The following RINT1 variants were observed in gnomAD, a reference collection of about 807,000 sequenced individuals.
The protein encoded by RINT1 is RAD50 interactor 1, also known as RAD50-interacting protein 1.
A neutral mutation model predicts 97.7 loss-of-function variants in RINT1; 75 were observed. The ratio of observed to expected loss-of-function variants is 0.77; its 90% CI spans 0.64 to 0.93. RINT1 has a LOEUF of 0.93. RINT1 is among the 40% of genes least tolerant of loss of function. The probability of loss-of-function intolerance (pLI) is 0.00; values close to 1 mark genes in which losing one functional copy is unlikely to be tolerated. For missense variants in RINT1, 892 were observed against 925.2 expected (o/e 0.96, Z 0.47); for synonymous variants, 303 against 326.3 (o/e 0.93, Z 0.77).
chr7:105,545,531 T>TA (rs1491113569), intron 4 of RINT1, among the ~76,000 whole-genome samples: 4,248 of 107,304 alleles, frequency 0.04, 83 homozygotes, highest in African/African-American at 0.078. Context: ...TATATATATA[T>TA]TTTTTTTTTT....
chr7:105,563,808 C>G lies in RINT1; in HGVS notation c.1747C>G (p.Gln583Glu), dbSNP rs767288898. The G allele has an allele frequency of 1.2e-6, 2 of 1,613,930 alleles. No homozygotes were observed. Among genetic ancestry groups the G allele is most frequent in the Non-Finnish European group, 1.7e-6 (2 of 1,179,808 alleles). Residue 583 changes from glutamine (Q) to glutamate (E), a missense_variant, in exon 12 of 15, where the codon CAG (glutamine) becomes GAG (glutamate). Transcript: ENST00000257700. ...TACTCTGAGTAAATTGCAGCTAGGA[C>G]AGCTAGCCTCTATGGAGAGCTCTGT... ...NNTLSKLQLG[Q>E]LASMESSVFD...
chr7:105,540,612 G>A (rs1041007219), intron 3 of RINT1, among the ~76,000 whole-genome samples: 1 of 152,042 alleles, frequency 6.6e-6, no homozygotes, highest in Admixed American at 6.6e-5. Flanking sequence ...TGGCTAGGCT[G>A]GTCTCGAACT....
rs1416181150 is a variant in RINT1 at position 105,565,603 on chromosome 7, CTT to C, written c.2143_2144del (p.Leu715ValfsTer13). The C allele has an allele frequency of 6.2e-7, 1 of 1,613,660 alleles. No individual in the cohort carries two copies. The highest frequency in any genetic ancestry group is 1.3e-5 in the African/African-American group (1 of 74,936). ...TTTGATATGACTCGGAATCTTTTCC[CTT>C]TGTTTTCTCACTATTGCAAGAGACC... On this transcript the variant is annotated frameshift_variant, in exon 14 of 15. Transcript: ENST00000257700. LOFTEE classifies it high-confidence loss of function.
intron 11 of RINT1, among the ~76,000 whole-genome samples, chr7:105,559,708 A>G (rs1385184149): frequency 1.3e-5 from 2 of 152,208 alleles, no homozygotes; most frequent in African/African-American, 4.8e-5. Flanking sequence ...TGACAAGAGC[A>G]AAACTCTGTC....
At position 105,540,595 on chromosome 7, in the gene RINT1, AC is replaced by A. The variant is rs547171874; in HGVS notation, c.274-1811del. Among the ~76,000 whole-genome samples, 40 of 152,118 alleles carry A rather than the reference AC, an allele frequency of 2.6e-4. No homozygotes were observed. The East Asian group carries it at 7.4e-3, about 28-fold the overall frequency. On this transcript the variant is annotated intron_variant, in intron 3 of 14. Transcript: ENST00000257700. The stretch of plus-strand genomic sequence containing the variant: ...GTATTTTTAGTAGAGACAGGGTTTC[AC>A]CATGTTGGCTAGGCTGGTCTCGAAC...
At chr7:105,545,254 C>A (rs1790613639) in intron 4 of RINT1, among the ~76,000 whole-genome samples, 1 of 151,290 alleles carries the variant, frequency 6.6e-6, no homozygotes, top group Non-Finnish European at 1.5e-5. Flanking sequence ...ATTCTGTGAC[C>A]AGTCTGGGCA....
chr7:105,547,304 G>A lies in RINT1; in HGVS notation c.810G>A (p.Leu270=), dbSNP rs371415055. Residue 270 remains leucine (L), a synonymous_variant, in exon 6 of 15, where the codon CTG becomes CTA. Transcript: ENST00000257700. ...AGATATACAGTTACCTGGAGACACT[G>A]TTTTGTCAGCTTTTGAAACTACAAA... ...APEIYSYLET[L]FCQLLKLQTS... The A allele has an allele frequency of 2.4e-5, 39 of 1,614,180 alleles. No individual in the cohort carries two copies. The highest frequency in any genetic ancestry group is 3.2e-5 in the Non-Finnish European group (38 of 1,180,028).
At chr7:105,535,162 T>C (rs1790173382) in intron 2 of RINT1, among the ~76,000 whole-genome samples, 1 of 152,146 alleles carries the variant, frequency 6.6e-6, no homozygotes, top group Admixed American at 6.6e-5. Context: ...TCTCATATTT[T>C]CTTTTTTCTG....
chr7:105,558,306 A>AAAT (rs1554365580), intron 11 of RINT1, among the ~76,000 whole-genome samples: 4 of 151,376 alleles, frequency 2.6e-5, no homozygotes, highest in East Asian at 3.9e-4. Context: ...AAAAAAAAAA[A>AAAT]AAATAAAGTC....
chr7:105,560,261 G>A (rs1334929676), intron 11 of RINT1, among the ~76,000 whole-genome samples: 1 of 152,140 alleles, frequency 6.6e-6, no homozygotes, highest in Non-Finnish European at 1.5e-5. Context: ...ACAATTACTA[G>A]TGCAGCCAGG....
intron 4 of RINT1, among the ~76,000 whole-genome samples, chr7:105,545,115 A>G (rs1431497258): frequency 2.6e-5 from 4 of 152,050 alleles, no homozygotes. Context: ...AATGTCATTC[A>G]TACTTTAGTG....
chr7:105,536,221 T>C (rs1790224798), intron 2 of RINT1, among the ~76,000 whole-genome samples: 1 of 152,152 alleles, frequency 6.6e-6, no homozygotes, highest in Non-Finnish European at 1.5e-5. Context: ...TGCAGTGGTG[T>C]GATCTTGGCT....
At chr7:105,532,727 CCT>C (rs1790083124) in intron 1 of RINT1, 95 bp from the exon 2 acceptor site, 2 of 1,287,182 alleles carry the variant, frequency 1.6e-6, no homozygotes. Flanking sequence ...GCGTCTGGAA[CCT>C]CTCTTGCCTC....
Position 105,567,311 on chromosome 7 carries a change from A to T in RINT1, c.2379A>T (p.Ter793TyrextTer13), listed in dbSNP as rs1337185818. 2 of 1,577,576 alleles carry T rather than the reference A, an allele frequency of 1.3e-6. No individual in the cohort carries two copies. Among genetic ancestry groups the T allele is most frequent in the African/African-American group, 2.7e-5 (2 of 73,206 alleles). ...CAAATTGGCCTAATACTGGAAAATAATGTCTTTCAGAAAAAGGTTTCTTTG... is the reference window on the plus strand; with the variant it reads ...CAAATTGGCCTAATACTGGAAAATATTGTCTTTCAGAAAAAGGTTTCTTTG... The part of the protein sequence containing the change: ...LRTNWPNTGK[*>Y] Residue 793 changes from the stop codon to tyrosine, a stop_lost, in exon 15 of 15, where the codon TAA (stop) becomes TAT (tyrosine). Transcript: ENST00000257700.
chr7:105,563,266 C>T (rs1423688839), intron 11 of RINT1, among the ~76,000 whole-genome samples: 9 of 151,918 alleles, frequency 5.9e-5, no homozygotes, highest in East Asian at 3.9e-4. Flanking sequence ...AGTGGGGAGA[C>T]GGTATTAGAG....
intron 12 of RINT1, 63 bp from the exon 13 acceptor site, chr7:105,565,214 G>T (rs904888408): frequency 3.4e-6 from 5 of 1,460,446 alleles, no homozygotes; most frequent in Non-Finnish European, 4.6e-6. Flanking sequence ...AATTTAAAAT[G>T]ATTTAAAAAC....
chr7:105,548,293 C>T (rs889530064), intron 6 of RINT1, among the ~76,000 whole-genome samples: 3 of 152,150 alleles, frequency 2.0e-5, no homozygotes, highest in Non-Finnish European at 4.4e-5. Context: ...CTTCAGCCTC[C>T]CAAAGTGCTG....
In RINT1 at chr7:105,557,554, A is replaced by G. The variant is rs568540263; in HGVS notation, c.1671+2327A>G. ...CCTGGATTAGGAAGGAAGTCTAGAA[A>G]GCATTAAATTTTAAATTATGAGTTT... is the stretch of plus-strand genomic sequence containing the variant. On this transcript the variant is annotated intron_variant, in intron 11 of 14. Coordinates refer to ENST00000257700, the MANE Select transcript of RINT1 (RefSeq NM_021930.6). 7.9e-5 allele frequency among the ~76,000 whole-genome samples: 12 copies of G among 152,302 alleles called. No homozygotes were observed. The South Asian group carries it at 2.5e-3, about 32-fold the overall frequency.
At chr7:105,545,528 A>T (rs1346473148) in intron 4 of RINT1, among the ~76,000 whole-genome samples, 45 of 141,308 alleles carry the variant, frequency 3.2e-4, no homozygotes, top group South Asian at 1.2e-3. Flanking sequence ...ATATATATAT[A>T]TATTTTTTTT....
Sources: allele counts gnomAD v4.1 joint callset (sites outside exome capture counted in the v4.1 genomes callset), GRCh38; gene constraint gnomAD v4.1.1; transcripts MANE v1.5; gene names NCBI Gene and HGNC (gene_info 2026-07-23, HGNC 2026-07-21).